Variants in KIAA1217 observed in about 807,000 individuals in gnomAD.
The protein encoded by KIAA1217 is KIAA1217, also known as sickle tail protein homolog.
KIAA1217 carries 88 observed loss-of-function variants against 163.9 expected under a neutral mutation model. The observed-to-expected ratio is 0.54, with a 90% CI of 0.45 to 0.64. The LOEUF is 0.64. Ranked by LOEUF, KIAA1217 falls within the 30% of genes least tolerant of loss-of-function variation. The probability of loss-of-function intolerance (pLI) is 0.00; values close to 1 mark genes in which losing one functional copy is unlikely to be tolerated. For missense variants in KIAA1217, 2,372 were observed against 2,475.0 expected (o/e 0.96, Z 0.88); for synonymous variants, 903 against 923.1 (o/e 0.98, Z 0.39).
chr10:24,377,427 T>A (rs1432154114), intron 2 of KIAA1217, among the ~76,000 whole-genome samples: 1 of 152,122 alleles, frequency 6.6e-6, no homozygotes, highest in African/African-American at 2.4e-5. Context: ...CAGCTTAGGG[T>A]AGCAGCTTCA....
At chr10:23,898,938 T>C (rs11013778) in intron 1 of KIAA1217, among the ~76,000 whole-genome samples, 56,305 of 152,034 alleles carry the variant, frequency 0.37, 12,318 homozygotes, top group African/African-American at 0.62. Context: ...AATGTTGAAT[T>C]ATGAAGTCAG....
chr10:23,948,222 G>A (rs1374883808), intron 1 of KIAA1217, among the ~76,000 whole-genome samples: 1 of 152,198 alleles, frequency 6.6e-6, no homozygotes, highest in Non-Finnish European at 1.5e-5. Flanking sequence ...GAACTTCTCT[G>A]TGCTTCAGTC....
At chr10:24,238,668 A>G (rs2072624242) in intron 2 of KIAA1217, among the ~76,000 whole-genome samples, 1 of 152,154 alleles carries the variant, frequency 6.6e-6, no homozygotes, top group Non-Finnish European at 1.5e-5. Flanking sequence ...TTTTGCTGGT[A>G]AAAAGTTCTA....
upstream of KIAA1217, among the ~76,000 whole-genome samples, chr10:24,205,470 C>T (rs1264975670): frequency 2.7e-5 from 4 of 147,088 alleles, no homozygotes; most frequent in Admixed American, 6.8e-5. Context: ...AGCAAAACTC[C>T]GTCTCAAAAA....
chr10:23,913,570 G>A (rs78450921), intron 1 of KIAA1217, among the ~76,000 whole-genome samples: 2,350 of 152,072 alleles, frequency 0.015, 66 homozygotes, highest in African/African-American at 0.053. Flanking sequence ...TTAGAGGACC[G>A]GGGCTAGAAT....
intron 2 of KIAA1217, among the ~76,000 whole-genome samples, chr10:24,048,634 G>A (rs1849228134): frequency 6.6e-6 from 1 of 151,976 alleles, no homozygotes; most frequent in Non-Finnish European, 1.5e-5. Flanking sequence ...GGAGGGTGTG[G>A]CAGGAAAATT....
At chr10:23,922,417 C>G (rs1842883455) in intron 1 of KIAA1217, among the ~76,000 whole-genome samples, 1 of 152,098 alleles carries the variant, frequency 6.6e-6, no homozygotes, top group Admixed American at 6.5e-5. Context: ...ATTATCTAAC[C>G]TGAGAAGGGG....
chr10:24,164,123 A>G (rs1014780155), intron 2 of KIAA1217, among the ~76,000 whole-genome samples: 1 of 152,224 alleles, frequency 6.6e-6, no homozygotes, highest in Non-Finnish European at 1.5e-5. Context: ...CTCCTGTACT[A>G]GCCTAGAGTG....
intron 5 of KIAA1217, among the ~76,000 whole-genome samples, chr10:24,457,394 A>C (rs2061916649): frequency 7.1e-6 from 1 of 140,096 alleles, no homozygotes; most frequent in African/African-American, 2.6e-5. Flanking sequence ...GTTTGGGGGG[A>C]ACAGGATCGT....
chr10:24,026,351 T>C lies in KIAA1217; in HGVS notation c.-171+18977T>C, dbSNP rs143558099. Among the ~76,000 whole-genome samples the C allele has an allele frequency of 9.2e-5, 14 of 152,044 alleles. No homozygotes were observed. The East Asian group carries it at 2.7e-3, about 29-fold the overall frequency. ...AGTATAAATAAAATTTGTGTTATACTATTCTTAAATGTTTGGTAAAATTTA... is the reference window on the plus strand; with the variant it reads ...AGTATAAATAAAATTTGTGTTATACCATTCTTAAATGTTTGGTAAAATTTA... On this transcript the variant is annotated intron_variant, in intron 2 of 18. Transcript: ENST00000376462.
chr10:24,504,225 A>G (rs2068048172), intron 9 of KIAA1217, among the ~76,000 whole-genome samples: 1 of 152,212 alleles, frequency 6.6e-6, no homozygotes, highest in African/African-American at 2.4e-5. Flanking sequence ...TAACCACACA[A>G]GTTTCTTTAT....
chr10:23,995,220 A>G (rs1846416826), intron 1 of KIAA1217, among the ~76,000 whole-genome samples: 1 of 152,122 alleles, frequency 6.6e-6, no homozygotes, highest in Non-Finnish European at 1.5e-5. Flanking sequence ...AGATCCTACA[A>G]AATAACAGAA....
chr10:24,360,579 A>G (rs1171604059), intron 2 of KIAA1217, among the ~76,000 whole-genome samples: 3 of 152,164 alleles, frequency 2.0e-5, no homozygotes, highest in African/African-American at 7.2e-5. Flanking sequence ...ATTTGGGGGC[A>G]TTTGGAGAGG....
intron 2 of KIAA1217, among the ~76,000 whole-genome samples, chr10:24,328,451 G>T (rs1355818849): frequency 6.6e-6 from 1 of 151,704 alleles, no homozygotes; most frequent in Non-Finnish European, 1.5e-5. Flanking sequence ...ACTCAGATAA[G>T]TCAAATGTAA....
intron 16 of KIAA1217, 137 bp from the exon 17 acceptor site, chr10:24,536,637 G>A: frequency 6.6e-6 from 5 of 755,074 alleles, no homozygotes; most frequent in Admixed American, 2.5e-5. Flanking sequence ...AGGATTTCAG[G>A]GTGCTGCCTC....
chr10:23,784,885 C>T (rs1022045720), intron 1 of KIAA1217, among the ~76,000 whole-genome samples: 1 of 152,082 alleles, frequency 6.6e-6, no homozygotes, highest in African/African-American at 2.4e-5. Context: ...ACCTTTTCCC[C>T]TATGTGAATC....
intron 6 of KIAA1217, among the ~76,000 whole-genome samples, chr10:24,484,342 T>G (rs1438678054): frequency 1.4e-5 from 2 of 147,636 alleles, no homozygotes; most frequent in Non-Finnish European, 3.0e-5. Flanking sequence ...CCTCCCGGGT[T>G]CAAACAATTC....
chr10:24,153,410 C>A (rs1249432979), intron 2 of KIAA1217, among the ~76,000 whole-genome samples: 1 of 152,158 alleles, frequency 6.6e-6, no homozygotes, highest in African/African-American at 2.4e-5. Context: ...TTACATGGTA[C>A]CATATGTCTT....
At chr10:24,323,426 C>T (rs2044434530) in intron 2 of KIAA1217, among the ~76,000 whole-genome samples, 1 of 152,198 alleles carries the variant, frequency 6.6e-6, no homozygotes, top group African/African-American at 2.4e-5. Flanking sequence ...TGAGTAAGTC[C>T]TCCCATGCCA....
Sources: gnomAD v4.1 joint callset for allele counts (sites outside exome capture counted in the v4.1 genomes callset) on GRCh38, gnomAD v4.1.1 for gene constraint, MANE v1.5 for transcripts, NCBI Gene and HGNC (gene_info 2026-07-23, HGNC 2026-07-21) for gene names.